Variants in PAWR observed in about 807,000 individuals in gnomAD.
The protein encoded by PAWR is pro-apoptotic WT1 regulator.
Under a neutral mutation model 32.0 loss-of-function variants are expected in PAWR, and 23 were observed. That is an observed-to-expected ratio of 0.72 (90% CI 0.52 to 1.02). The LOEUF (loss-of-function observed/expected upper bound fraction) is 1.02, where lower values mean the gene tolerates loss of function less well. PAWR is among the 50% of genes least tolerant of loss of function. The pLI is 0.00. For missense variants in PAWR, 457 were observed against 437.7 expected (o/e 1.04, Z -0.39); for synonymous variants, 226 against 187.1 (o/e 1.21, Z -1.70).
At chr12:79,651,286 G>A (rs1418281178) in intron 2 of PAWR, among the ~76,000 whole-genome samples, 1 of 152,054 alleles carries the variant, frequency 6.6e-6, no homozygotes, top group Non-Finnish European at 1.5e-5. Context: ...ACACCAAGAT[G>A]AAAAGGCAAT....
chr12:79,673,025 G>A (rs977305690), intron 2 of PAWR, among the ~76,000 whole-genome samples: 15 of 152,102 alleles, frequency 9.9e-5, no homozygotes, highest in Non-Finnish European at 2.2e-4. Flanking sequence ...CAAGTTAGAT[G>A]TCAAATTTCT....
intron 4 of PAWR, among the ~76,000 whole-genome samples, chr12:79,603,097 A>G (rs1319562728): frequency 4.0e-5 from 6 of 151,834 alleles, no homozygotes; most frequent in Non-Finnish European, 7.4e-5. Flanking sequence ...AAAAATAAAA[A>G]ATTAGTCAGG....
intron 2 of PAWR, among the ~76,000 whole-genome samples, chr12:79,624,215 G>A (rs779684663): frequency 6.4e-4 from 97 of 152,228 alleles, no homozygotes; most frequent in Non-Finnish European, 1.3e-3. Flanking sequence ...AGAGCACTGG[G>A]ATGCTATTTT....
intron 2 of PAWR, among the ~76,000 whole-genome samples, chr12:79,645,502 A>G (rs1876532520): frequency 6.6e-6 from 1 of 152,166 alleles, no homozygotes; most frequent in African/African-American, 2.4e-5. Flanking sequence ...TGTAAGGGCT[A>G]GTATACTCTA....
intron 2 of PAWR, among the ~76,000 whole-genome samples, chr12:79,641,976 G>T (rs1876349471): frequency 6.6e-6 from 1 of 151,288 alleles, no homozygotes; most frequent in Non-Finnish European, 1.5e-5. Flanking sequence ...TGGAGAGGTG[G>T]GATATAATGT....
At chr12:79,632,359 ATATTTT>A (rs1566011204) in intron 2 of PAWR, among the ~76,000 whole-genome samples, 3 of 17,182 alleles carry the variant, frequency 1.7e-4, no homozygotes, top group East Asian at 1.6e-3. Flanking sequence ...ATATATATAT[ATATTTT>A]TTTTTTTTTT....
intron 2 of PAWR, among the ~76,000 whole-genome samples, chr12:79,677,983 C>A (rs940913568): frequency 6.6e-6 from 1 of 152,120 alleles, no homozygotes; most frequent in Non-Finnish European, 1.5e-5. Context: ...CTCCATCTGC[C>A]CTCTACCCCC....
rs139256508 is a variant in PAWR at position 79,636,561 on chromosome 12, A to C, written c.517-15354T>G. ...TAATTTTTAATAAGTGCTCAAGCCA[A>C]AGTTTTGATACTTTGATAGCTTAAA... On this transcript the variant is annotated intron_variant, in intron 2 of 6. Coordinates refer to ENST00000328827, the MANE Select transcript of PAWR (RefSeq NM_002583.4). Among the ~76,000 whole-genome samples, 320 of 152,226 alleles carry C rather than the reference A, an allele frequency of 2.1e-3. 2 individuals carry two copies. Among genetic ancestry groups the C allele is most frequent in the African/African-American group, 7.5e-3 (312 of 41,560 alleles).
At position 79,689,724 on chromosome 12, in the gene PAWR, C is replaced by A. The variant is rs1233407150; in HGVS notation, c.516+5G>T. 6.5e-7 allele frequency: 1 copy of A among 1,544,922 alleles called. No homozygotes were observed. Among genetic ancestry groups the A allele is most frequent in the Admixed American group, 1.9e-5 (1 of 51,806 alleles). On this transcript the variant is annotated splice_donor_5th_base_variant and intron_variant, in intron 2 of 6. Transcript: ENST00000328827. ...CGGTCCGGCTGCGGCCCCCGCCCGG[C>A]TCACCTCTGCGGCAGGGATGTTGAC...
In PAWR at chr12:79,589,614, C is replaced by A. The variant is rs1344748704; in HGVS notation, c.*2993G>T. The A allele has an allele frequency of 6.6e-6, 1 of 152,094 alleles. No homozygotes were observed. The highest frequency in any genetic ancestry group is 1.5e-5 in the Non-Finnish European group (1 of 68,000). 9.4% of individuals were successfully genotyped at this position (152,094 alleles called of 1,614,324 possible). A position where few individuals can be genotyped will look rare whatever the true frequency, so the allele number is the denominator to read the frequency against. The stretch of plus-strand genomic sequence containing the variant: ...TATAAATACACACCCAAAAGCCCTT[C>A]CCTCCTTCTCTAATGGTAACTGTTG... On this transcript the variant is annotated 3_prime_UTR_variant, in exon 7 of 7. Coordinates refer to ENST00000328827, the MANE Select transcript of PAWR (RefSeq NM_002583.4).
At chr12:79,666,972 C>T (rs979751458) in intron 2 of PAWR, among the ~76,000 whole-genome samples, 1 of 152,180 alleles carries the variant, frequency 6.6e-6, no homozygotes, top group African/African-American at 2.4e-5. Flanking sequence ...CTGGGAACTG[C>T]TTAGGGCAAA....
At chr12:79,611,378 T>C (rs1162337143) in intron 4 of PAWR, among the ~76,000 whole-genome samples, 1 of 150,592 alleles carries the variant, frequency 6.6e-6, no homozygotes, top group African/African-American at 2.4e-5. Flanking sequence ...TTAGGTTTAC[T>C]GAAAATATTT....
chr12:79,615,750 T>C (rs1213056310), intron 3 of PAWR, among the ~76,000 whole-genome samples: 1 of 152,138 alleles, frequency 6.6e-6, no homozygotes, highest in Non-Finnish European at 1.5e-5. Flanking sequence ...ATATGAGTGA[T>C]AATGATTCAT....
chr12:79,669,501 C>A (rs1176562685), intron 2 of PAWR, among the ~76,000 whole-genome samples: 2 of 151,946 alleles, frequency 1.3e-5, no homozygotes, highest in Non-Finnish European at 2.9e-5. Flanking sequence ...TTTAAAAAAA[C>A]TCCTCTTCTA....
chr12:79,611,232 A>T (rs1874424874), intron 4 of PAWR, among the ~76,000 whole-genome samples: 1 of 146,434 alleles, frequency 6.8e-6, no homozygotes. Flanking sequence ...TTTATATATA[A>T]ATCTTATACA....
At chr12:79,596,088 C>T (rs1873738296) in intron 5 of PAWR, among the ~76,000 whole-genome samples, 1 of 151,928 alleles carries the variant, frequency 6.6e-6, no homozygotes. Flanking sequence ...TATTCAACAC[C>T]ATTGCTAATT....
At chr12:79,642,530 C>T (rs540365780) in intron 2 of PAWR, among the ~76,000 whole-genome samples, 15 of 152,298 alleles carry the variant, frequency 9.8e-5, no homozygotes, top group African/African-American at 2.9e-4. Context: ...CCTTGGCTTG[C>T]AGATGGTCAC....
chr12:79,600,941 T>C (rs1373161643), intron 4 of PAWR, among the ~76,000 whole-genome samples: 1 of 152,284 alleles, frequency 6.6e-6, no homozygotes, highest in South Asian at 2.1e-4. Flanking sequence ...GATGTGATGA[T>C]GACAAGTCAA....
chr12:79,623,369 A>G (rs1325556867), intron 2 of PAWR, among the ~76,000 whole-genome samples: 1 of 152,210 alleles, frequency 6.6e-6, no homozygotes, highest in African/African-American at 2.4e-5. Flanking sequence ...CACTATTAAC[A>G]TAATTGTTAA....
Sources: allele counts gnomAD v4.1 joint callset (sites outside exome capture counted in the v4.1 genomes callset), GRCh38; gene constraint gnomAD v4.1.1; transcripts MANE v1.5; gene names NCBI Gene and HGNC (gene_info 2026-07-23, HGNC 2026-07-21).